Variants in SYNE2 observed in about 807,000 individuals in gnomAD.
SYNE2 encodes spectrin repeat containing nuclear envelope protein 2.
SYNE2 carries 431 observed loss-of-function variants against 856.3 expected under a neutral mutation model. That is an observed-to-expected ratio of 0.50 (90% CI 0.47 to 0.55). The LOEUF is 0.55. Among genes scored for constraint, SYNE2 ranks in the 20% least tolerant of loss-of-function variants. The pLI is 0.00. For missense variants in SYNE2, 8,129 were observed against 8,023.2 expected (o/e 1.01, Z -0.50); for synonymous variants, 2,923 against 2,872.3 (o/e 1.02, Z -0.56).
At chr14:64,004,002 C>G (rs1002822089) in intron 30 of SYNE2, among the ~76,000 whole-genome samples, 5 of 151,920 alleles carry the variant, frequency 3.3e-5, no homozygotes, top group Non-Finnish European at 5.9e-5. Flanking sequence ...CCCTCACCTC[C>G]CCTCCCTTCT....
intron 2 of SYNE2, among the ~76,000 whole-genome samples, chr14:63,911,373 CT>C (rs1304927721): frequency 6.6e-6 from 1 of 152,184 alleles, no homozygotes; most frequent in Non-Finnish European, 1.5e-5. Context: ...TCTTTGAGCA[CT>C]TGGTAGTATT....
At chr14:63,998,587 A>G (rs1352827956) in intron 26 of SYNE2, among the ~76,000 whole-genome samples, 1 of 152,010 alleles carries the variant, frequency 6.6e-6, no homozygotes, top group African/African-American at 2.4e-5. Flanking sequence ...TTTAGGACAG[A>G]GTGTCGTTCT....
intron 84 of SYNE2, among the ~76,000 whole-genome samples, chr14:64,151,437 A>T (rs1465040019): frequency 7.4e-6 from 1 of 134,438 alleles, no homozygotes; most frequent in African/African-American, 3.0e-5. Flanking sequence ...AAAAAAAAAA[A>T]AAAAAAAAAG....
chr14:64,102,305 C>T (rs917212558), intron 64 of SYNE2, among the ~76,000 whole-genome samples: 7 of 152,090 alleles, frequency 4.6e-5, no homozygotes, highest in East Asian at 1.9e-4. Flanking sequence ...GTAGTAGAGA[C>T]GGGGTTTCGC....
chr14:64,205,539 C>T (rs919669199), intron 100 of SYNE2, among the ~76,000 whole-genome samples: 1 of 152,178 alleles, frequency 6.6e-6, no homozygotes, highest in East Asian at 1.9e-4. Flanking sequence ...CCTAGTATTG[C>T]CTTCTGCAAA....
chr14:63,888,281 C>T (rs1328568359), intron 1 of SYNE2, among the ~76,000 whole-genome samples: 2 of 152,196 alleles, frequency 1.3e-5, no homozygotes, highest in East Asian at 1.9e-4. Flanking sequence ...TGTTCAGCTT[C>T]CCAGACTGCA....
intron 7 of SYNE2, 79 bp downstream of exon 7, chr14:63,950,085 C>G: frequency 7.0e-7 from 1 of 1,436,654 alleles, no homozygotes; most frequent in Non-Finnish European, 9.8e-7. Flanking sequence ...CAAACACCTC[C>G]CTCACTTAAC....
chr14:63,957,014 A>C (rs776994687), intron 8 of SYNE2, among the ~76,000 whole-genome samples: 2 of 152,096 alleles, frequency 1.3e-5, no homozygotes, highest in Non-Finnish European at 1.5e-5. Context: ...TACATTTCAC[A>C]TAAATGGAAT....
At chr14:63,804,435 C>T (rs139914836) in intron 1 of SYNE2, among the ~76,000 whole-genome samples, 38 of 152,182 alleles carry the variant, frequency 2.5e-4, no homozygotes, top group Middle Eastern at 3.4e-3. Flanking sequence ...TTGAAATCGA[C>T]GATGACCTAT....
chr14:63,791,993 A>T (rs1198560495), intron 1 of SYNE2, among the ~76,000 whole-genome samples: 1 of 152,148 alleles, frequency 6.6e-6, no homozygotes, highest in Non-Finnish European at 1.5e-5. Flanking sequence ...GAATTAAAAG[A>T]ATACATTGAA....
intron 6 of SYNE2, among the ~76,000 whole-genome samples, chr14:63,942,623 G>A (rs543205446): frequency 2.0e-5 from 3 of 152,108 alleles, no homozygotes; most frequent in Non-Finnish European, 2.9e-5. Context: ...AGCCTCCCGA[G>A]TAGCTGGGAT....
intron 49 of SYNE2, among the ~76,000 whole-genome samples, chr14:64,058,875 CTG>C (rs1318833932): frequency 1.3e-5 from 2 of 152,058 alleles, no homozygotes; most frequent in East Asian, 1.9e-4. Flanking sequence ...TCTCCTCTGA[CTG>C]TGTATTTTCA....
chr14:64,027,942 C>G lies in SYNE2; in HGVS notation c.6714+149C>G, dbSNP rs113166445. ...TATTTTTTTGAGACAGGGTCTCACT[C>G]TTTGCCCAGGCTGGAGTGCAGTGGC... On this transcript the variant is annotated intron_variant, in intron 43 of 115. Coordinates refer to ENST00000555002, the MANE Select transcript of SYNE2 (RefSeq NM_182914.3). 5,875 of 702,910 alleles carry G rather than the reference C, an allele frequency of 8.4e-3. 243 individuals are homozygous for G. The African/African-American group carries it at 0.093, about 11-fold the overall frequency. The allele number at this position is 702,910 out of a possible 1,614,324, so 43.5% of individuals were successfully genotyped here.
chr14:64,147,301 T>G (rs138513621), intron 84 of SYNE2, among the ~76,000 whole-genome samples: 1 of 152,278 alleles, frequency 6.6e-6, no homozygotes, highest in East Asian at 1.9e-4. Flanking sequence ...CTTGCCAGCC[T>G]CCTCCCTCAT....
At chr14:64,068,717 C>T (rs1381587965) in intron 51 of SYNE2, among the ~76,000 whole-genome samples, 1 of 151,912 alleles carries the variant, frequency 6.6e-6, no homozygotes, top group Non-Finnish European at 1.5e-5. Context: ...AAAAAAATAG[C>T]CAGGCATGGT....
chr14:63,981,020 G>T lies in SYNE2; in HGVS notation c.1683G>T (p.Met561Ile). The change falls in exon 16 of 116, where the codon ATG becomes ATT. Residue 561 changes from methionine (M) to isoleucine (I), a missense_variant. Transcript: ENST00000555002. ...GTCAGAATATTAATAAACAGTATAT[G>T]ATGGTGAAATCTGATGTTTGTATGT... ...GECQNINKQY[M>I]MVKSDVCMYR... 2.5e-6 allele frequency: 4 copies of T among 1,572,016 alleles called. No homozygotes were observed. The highest frequency in any genetic ancestry group is 3.5e-6 in the Non-Finnish European group (4 of 1,142,996).
At chr14:63,953,493 A>G (rs1162845804) in intron 7 of SYNE2, among the ~76,000 whole-genome samples, 5 of 151,744 alleles carry the variant, frequency 3.3e-5, no homozygotes. Flanking sequence ...TTCTAAATAC[A>G]ATGGCTAGCT....
intron 76 of SYNE2, among the ~76,000 whole-genome samples, chr14:64,131,301 C>T (rs1306038902): frequency 6.6e-6 from 1 of 152,196 alleles, no homozygotes; most frequent in Non-Finnish European, 1.5e-5. Flanking sequence ...GGGATCCCTC[C>T]AGACAACTGT....
chr14:63,811,949 G>A (rs558552489), intron 1 of SYNE2, among the ~76,000 whole-genome samples: 4 of 152,058 alleles, frequency 2.6e-5, no homozygotes, highest in African/African-American at 9.7e-5. Flanking sequence ...CAAGGCAAAG[G>A]GTGAAATAAA....
Sources: gnomAD v4.1 joint callset for allele counts (sites outside exome capture counted in the v4.1 genomes callset) on GRCh38, gnomAD v4.1.1 for gene constraint, MANE v1.5 for transcripts, NCBI Gene and HGNC (gene_info 2026-07-23, HGNC 2026-07-21) for gene names.